CPNE4: variants seen among roughly 807,000 people sequenced by gnomAD.
The protein encoded by CPNE4 is copine-4.
A neutral mutation model predicts 67.9 loss-of-function variants in CPNE4; 25 were observed. The ratio of observed to expected loss-of-function variants is 0.37; its 90% CI spans 0.27 to 0.51. The LOEUF is 0.51. Among genes scored for constraint, CPNE4 ranks in the 20% least tolerant of loss-of-function variants. The probability of loss-of-function intolerance (pLI) is 0.93; values close to 1 mark genes in which losing one functional copy is unlikely to be tolerated. For missense variants in CPNE4, 464 were observed against 690.8 expected (o/e 0.67, Z 3.68); for synonymous variants, 242 against 244.9 (o/e 0.99, Z 0.11).
intron 1 of CPNE4, among the ~76,000 whole-genome samples, chr3:131,983,832 G>A (rs1337415987): frequency 6.6e-6 from 1 of 152,194 alleles, no homozygotes; most frequent in Non-Finnish European, 1.5e-5. Context: ...GAAGACAACA[G>A]CTGCACAGAA....
intron 2 of CPNE4, among the ~76,000 whole-genome samples, chr3:131,735,423 G>A (rs1560206565): frequency 6.6e-6 from 1 of 152,186 alleles, no homozygotes; most frequent in Non-Finnish European, 1.5e-5. Flanking sequence ...GCTCCAGAAA[G>A]TAAACTGTTC....
At position 131,534,104 on chromosome 3, in the gene CPNE4, A is replaced by G. The variant is rs917668317; in HGVS notation, c.*1091T>C. ...AGCCATTTGCCATGTGTAAGTTTCT[A>G]TTGTTGTGGTTCCAGTGAAGACGCT... On this transcript the variant is annotated 3_prime_UTR_variant, in exon 16 of 16. Transcript: ENST00000429747. 6.6e-6 allele frequency: 1 copy of G among 152,154 alleles called. No individual in the cohort carries two copies. 9.4% of individuals were successfully genotyped at this position (152,154 alleles called of 1,614,324 possible). A position where few individuals can be genotyped will look rare whatever the true frequency, so the allele number is the denominator to read the frequency against.
intron 7 of CPNE4, among the ~76,000 whole-genome samples, chr3:131,596,100 C>T (rs1345275440): frequency 6.6e-6 from 1 of 152,112 alleles, no homozygotes. Context: ...GTATTGTGCA[C>T]TTCACAATTT....
At chr3:131,957,132 G>A (rs1187141385) in intron 1 of CPNE4, among the ~76,000 whole-genome samples, 1 of 152,172 alleles carries the variant, frequency 6.6e-6, no homozygotes, top group African/African-American at 2.4e-5. Flanking sequence ...CTGGGACTCA[G>A]TGAGAAACTG....
chr3:131,592,198 G>T (rs1938572714), intron 7 of CPNE4, among the ~76,000 whole-genome samples: 3 of 152,110 alleles, frequency 2.0e-5, no homozygotes, highest in East Asian at 3.9e-4. Context: ...AAAGTATATA[G>T]TGCGTACTAT....
At chr3:131,941,526 C>T (rs1454205552) in intron 1 of CPNE4, among the ~76,000 whole-genome samples, 12 of 151,806 alleles carry the variant, frequency 7.9e-5, no homozygotes. Context: ...TTATTATCTA[C>T]AGCTACTGAT....
chr3:131,804,242 G>A (rs991489912), intron 2 of CPNE4, among the ~76,000 whole-genome samples: 3 of 151,628 alleles, frequency 2.0e-5, no homozygotes, highest in Admixed American at 6.6e-5. Context: ...TATCTCGGTG[G>A]AACTCAGTTT....
intron 1 of CPNE4, among the ~76,000 whole-genome samples, chr3:131,989,327 C>A (rs1336707589): frequency 6.6e-6 from 1 of 152,190 alleles, no homozygotes; most frequent in Non-Finnish European, 1.5e-5. Flanking sequence ...CTAAGTGCCC[C>A]TAAAGGCTTT....
intron 7 of CPNE4, among the ~76,000 whole-genome samples, chr3:131,591,475 G>C (rs1402040458): frequency 1.3e-5 from 2 of 152,042 alleles, no homozygotes; most frequent in African/African-American, 4.8e-5. Flanking sequence ...GTGAATTACT[G>C]TTCCCCCTTA....
At chr3:131,792,728 T>TGTGTAGTATATATAC (rs1553772325) in intron 2 of CPNE4, among the ~76,000 whole-genome samples, 1 of 93,550 alleles carries the variant, frequency 1.1e-5, no homozygotes, top group African/African-American at 3.4e-5. Context: ...TGTATATATA[T>TGTGTAGTATATATAC]ACACGTGTGT....
At chr3:131,795,856 C>A (rs1170372991) in intron 2 of CPNE4, among the ~76,000 whole-genome samples, 2 of 152,228 alleles carry the variant, frequency 1.3e-5, no homozygotes, top group East Asian at 1.9e-4. Flanking sequence ...GCCACCTCAG[C>A]ACACACTCCT....
intron 2 of CPNE4, among the ~76,000 whole-genome samples, chr3:131,833,976 G>A (rs1305880331): frequency 6.6e-6 from 1 of 152,186 alleles, no homozygotes; most frequent in Admixed American, 6.5e-5. Flanking sequence ...AGCTATTAAA[G>A]TGGTTAGTTA....
chr3:132,007,347 C>T (rs954186480), intron 1 of CPNE4, among the ~76,000 whole-genome samples: 3 of 152,110 alleles, frequency 2.0e-5, no homozygotes, highest in African/African-American at 7.2e-5. Context: ...CTCCTATTCT[C>T]CAAGCAGCAA....
intron 2 of CPNE4, among the ~76,000 whole-genome samples, chr3:131,741,649 TTAATTA>T (rs575942760): frequency 2.1e-3 from 314 of 152,272 alleles, no homozygotes; most frequent in African/African-American, 7.2e-3. Context: ...AGTTGGTACT[TTAATTA>T]TAATTATAAT....
intron 1 of CPNE4, among the ~76,000 whole-genome samples, chr3:131,923,013 G>T (rs1364026245): frequency 6.6e-6 from 1 of 152,206 alleles, no homozygotes; most frequent in Non-Finnish European, 1.5e-5. Flanking sequence ...TGTATATTTT[G>T]GTTTGGGCCA....
intron 2 of CPNE4, among the ~76,000 whole-genome samples, chr3:131,854,176 TCCAAA>T (rs2107650825): frequency 6.6e-6 from 1 of 151,946 alleles, no homozygotes; most frequent in African/African-American, 2.4e-5. Context: ...TTTTAGTATA[TCCAAA>T]TAATAGAATA....
At chr3:131,816,838 T>C (rs1322862489) in intron 2 of CPNE4, among the ~76,000 whole-genome samples, 1 of 152,190 alleles carries the variant, frequency 6.6e-6, no homozygotes, top group Non-Finnish European at 1.5e-5. Flanking sequence ...ACCCCATACC[T>C]ACACCATGAC....
chr3:131,725,812 C>G (rs550479806), intron 2 of CPNE4, among the ~76,000 whole-genome samples: 21 of 152,272 alleles, frequency 1.4e-4, no homozygotes, highest in Non-Finnish European at 2.8e-4. Context: ...TATCTGGCAA[C>G]CTTGGGCCAC....
At chr3:131,835,446 T>C (rs2085517488) in intron 2 of CPNE4, among the ~76,000 whole-genome samples, 1 of 152,046 alleles carries the variant, frequency 6.6e-6, no homozygotes, top group Non-Finnish European at 1.5e-5. Context: ...GGAGAATCGC[T>C]TGAACCTAGG....
Sources: allele counts gnomAD v4.1 joint callset (sites outside exome capture counted in the v4.1 genomes callset), GRCh38; gene constraint gnomAD v4.1.1; transcripts MANE v1.5; gene names NCBI Gene and HGNC (gene_info 2026-07-23, HGNC 2026-07-21).